TRMT11: variants seen among roughly 807,000 people sequenced by gnomAD.
TRMT11 encodes tRNA methyltransferase 11.
In TRMT11, 53 loss-of-function variants were observed where a neutral mutation model predicts 62.8. The ratio of observed to expected loss-of-function variants is 0.84; its 90% confidence interval spans 0.68 to 1.06. The LOEUF is 1.06. Among genes scored for constraint, TRMT11 ranks in the 50% least tolerant of loss-of-function variants. TRMT11 has a pLI of 0.00. For missense variants in TRMT11, 556 were observed against 553.4 expected (o/e 1.00, Z -0.05); for synonymous variants, 188 against 190.3 (o/e 0.99, Z 0.10).
chr6:126,128,327 A>C (rs1268010138), intron 21 of TRMT11, among the ~76,000 whole-genome samples: 2 of 152,172 alleles, frequency 1.3e-5, no homozygotes, highest in East Asian at 3.9e-4. Context: ...TTGGTAGAGA[A>C]AAGATATAAA....
chr6:126,080,015 T>C (rs1240494269), intron 17 of TRMT11, among the ~76,000 whole-genome samples: 2 of 152,156 alleles, frequency 1.3e-5, no homozygotes, highest in Admixed American at 6.5e-5. Flanking sequence ...ATTCTAAAAA[T>C]GAAATAGGTG....
chr6:126,017,543 T>G (rs913927588), intron 11 of TRMT11, among the ~76,000 whole-genome samples: 1 of 152,226 alleles, frequency 6.6e-6, no homozygotes, highest in Non-Finnish European at 1.5e-5. Flanking sequence ...AGATACTCTG[T>G]GCATTTTATG....
At chr6:126,012,470 C>T (rs1794358700) in intron 9 of TRMT11, among the ~76,000 whole-genome samples, 3 of 152,152 alleles carry the variant, frequency 2.0e-5, no homozygotes, top group South Asian at 2.1e-4. Context: ...CATATATTCT[C>T]CCTCTAGGAC....
chr6:125,996,594 C>T (rs539251168), intron 3 of TRMT11, among the ~76,000 whole-genome samples: 25 of 151,662 alleles, frequency 1.6e-4, no homozygotes, highest in African/African-American at 6.0e-4. Flanking sequence ...TCTTTTCTTT[C>T]ATTTCTTTTT....
At chr6:125,996,157 A>G in intron 3 of TRMT11, 117 bp downstream of exon 3, 4 of 619,322 alleles carry the variant, frequency 6.5e-6, no homozygotes, top group Non-Finnish European at 8.3e-6. Context: ...AGTTACATAC[A>G]ACTGCCACTG....
intron 1 of TRMT11, among the ~76,000 whole-genome samples, chr6:126,178,812 T>C (rs1038444151): frequency 4.7e-4 from 71 of 152,180 alleles, no homozygotes; most frequent in African/African-American, 1.6e-3. Context: ...AGGGAAGCGG[T>C]TGGGAGTTAC....
intron 21 of TRMT11, among the ~76,000 whole-genome samples, chr6:126,120,599 G>A (rs1777639184): frequency 6.6e-6 from 1 of 152,098 alleles, no homozygotes; most frequent in African/African-American, 2.4e-5. Context: ...AGTCCTTTAT[G>A]TTTAAGGGCT....
chr6:126,082,627 T>C (rs1009862434), intron 17 of TRMT11, among the ~76,000 whole-genome samples: 1 of 152,160 alleles, frequency 6.6e-6, no homozygotes, highest in Non-Finnish European at 1.5e-5. Context: ...CTCAGTGTTC[T>C]AGTTTTGAGC....
chr6:126,194,958 T>TA (rs967643873), intron 1 of TRMT11, among the ~76,000 whole-genome samples: 23 of 151,730 alleles, frequency 1.5e-4, no homozygotes, highest in African/African-American at 4.6e-4. Context: ...CTATAAAAAA[T>TA]AAAAAAAATT....
At chr6:126,170,693 A>T (rs967068831) in intron 21 of TRMT11, among the ~76,000 whole-genome samples, 1 of 151,998 alleles carries the variant, frequency 6.6e-6, no homozygotes, top group South Asian at 2.1e-4. Flanking sequence ...TTTTTACAAG[A>T]TCTCCCGCTG....
At chr6:126,132,548 A>G (rs1448306045) in intron 21 of TRMT11, among the ~76,000 whole-genome samples, 1 of 152,040 alleles carries the variant, frequency 6.6e-6, no homozygotes, top group African/African-American at 2.4e-5. Context: ...CTGCAGTCAT[A>G]CTGTCTAATG....
intron 21 of TRMT11, among the ~76,000 whole-genome samples, chr6:126,132,003 A>C (rs1010310225): frequency 3.9e-5 from 6 of 152,010 alleles, no homozygotes; most frequent in African/African-American, 7.2e-5. Flanking sequence ...CTTCAAATGT[A>C]ATTTGGGAGA....
intron 17 of TRMT11, among the ~76,000 whole-genome samples, chr6:126,086,759 G>C (rs1450943193): frequency 6.6e-6 from 1 of 151,870 alleles, no homozygotes; most frequent in Non-Finnish European, 1.5e-5. Flanking sequence ...TATTCTCTAA[G>C]TTTCATTACA....
intron 17 of TRMT11, among the ~76,000 whole-genome samples, chr6:126,067,239 T>C (rs1156640516): frequency 6.6e-6 from 1 of 150,634 alleles, no homozygotes; most frequent in African/African-American, 2.4e-5. Context: ...GTAAAATGCA[T>C]AAAATATGCC....
chr6:126,024,221 G>A (rs896505525), intron 12 of TRMT11, among the ~76,000 whole-genome samples: 2 of 152,110 alleles, frequency 1.3e-5, no homozygotes, highest in Non-Finnish European at 2.9e-5. Context: ...GTATTGGTGT[G>A]CTTGGGCTGG....
At chr6:126,065,059 A>C (rs756501241) in intron 17 of TRMT11, among the ~76,000 whole-genome samples, 2 of 152,182 alleles carry the variant, frequency 1.3e-5, no homozygotes, top group Non-Finnish European at 2.9e-5. Flanking sequence ...CTGAGTCCTT[A>C]TCAGCAGAAG....
the TRMT11 span, among the ~76,000 whole-genome samples, chr6:126,247,263 A>G: frequency 1.6e-4 from 24 of 152,164 alleles, no homozygotes; most frequent in Non-Finnish European, 3.4e-4. Context: ...TGTATCAACT[A>G]AACTAGCCCT....
chr6:126,055,168 T>C (rs1332096283), intron 17 of TRMT11, among the ~76,000 whole-genome samples: 1 of 152,200 alleles, frequency 6.6e-6, no homozygotes, highest in Non-Finnish European at 1.5e-5. Flanking sequence ...TTTCTCCATG[T>C]TGTCCAGGCT....
intron 1 of TRMT11, among the ~76,000 whole-genome samples, chr6:125,993,016 G>C (rs1583628216): frequency 1.3e-5 from 2 of 152,250 alleles, no homozygotes; most frequent in South Asian, 4.2e-4. Context: ...GGTGTTAAAG[G>C]CTCTTCCTTC....
Sources: allele counts gnomAD v4.1 joint callset (sites outside exome capture counted in the v4.1 genomes callset), GRCh38; gene constraint gnomAD v4.1.1; transcripts MANE v1.5; gene names NCBI Gene and HGNC (gene_info 2026-07-23, HGNC 2026-07-21).